The following TBC1D1 variants were observed in gnomAD, a reference collection of about 807,000 sequenced individuals.
TBC1D1 encodes the protein TBC1 (tre-2/USP6, BUB2, cdc16) domain family, member 1.
In TBC1D1, 89 loss-of-function variants were observed where a neutral mutation model predicts 125.6. The observed-to-expected ratio is 0.71, with a 90% confidence interval of 0.60 to 0.85. The LOEUF is 0.85. TBC1D1 is among the 40% of genes least tolerant of loss of function. TBC1D1 has a pLI of 0.00. For synonymous variants in TBC1D1, 565 were observed against 564.1 expected (o/e 1.00, Z -0.02); for missense variants, 1,377 against 1,469.2 (o/e 0.94, Z 1.03).
rs149237489 is a variant in TBC1D1, at chr4:37,951,672, A to C, written c.417+49160A>C. Reference sequence around the variant, plus strand: ...AGAGGAGAGGCGGTGACACTCAGCCAAGTTAGGGAAGTGGACTTTCGATAT... The same window carrying C: ...AGAGGAGAGGCGGTGACACTCAGCCCAGTTAGGGAAGTGGACTTTCGATAT... On this transcript the variant is annotated intron_variant, in intron 2 of 19. Transcript: ENST00000261439. Among the ~76,000 whole-genome samples the C allele has an allele frequency of 2.7e-3, 412 of 152,340 alleles. 1 individual carries two copies. The highest frequency in any genetic ancestry group is 8.9e-3 in the African/African-American group (371 of 41,574).
intron 2 of TBC1D1, among the ~76,000 whole-genome samples, chr4:37,974,774 G>A (rs1287614216): frequency 6.6e-6 from 1 of 151,902 alleles, no homozygotes; most frequent in Non-Finnish European, 1.5e-5. Flanking sequence ...GGCCAGGGTG[G>A]TCTTGAACTC....
intron 2 of TBC1D1, among the ~76,000 whole-genome samples, chr4:37,919,519 A>G (rs1044344158): frequency 2.6e-5 from 4 of 151,970 alleles, no homozygotes; most frequent in Admixed American, 1.3e-4. Context: ...CACAGTTTCT[A>G]TGCAGTTAAC....
At chr4:38,032,106 G>A (rs561460671) in intron 7 of TBC1D1, among the ~76,000 whole-genome samples, 14 of 152,260 alleles carry the variant, frequency 9.2e-5, no homozygotes, top group Admixed American at 9.2e-4. Flanking sequence ...ATCACCCGAG[G>A]TCAGGAGTTC....
chr4:38,075,745 C>T (rs1472271057), intron 12 of TBC1D1, among the ~76,000 whole-genome samples: 1 of 152,038 alleles, frequency 6.6e-6, no homozygotes, highest in Non-Finnish European at 1.5e-5. Context: ...AAGTTTATAA[C>T]TGGAGCCTAT....
intron 12 of TBC1D1, among the ~76,000 whole-genome samples, chr4:38,064,350 G>A (rs950495231): frequency 7.9e-5 from 12 of 152,126 alleles, no homozygotes; most frequent in African/African-American, 2.9e-4. Flanking sequence ...TCCTCCTCCA[G>A]GGGGGCCTTA....
At chr4:38,081,950 C>G (rs1756638276) in intron 12 of TBC1D1, among the ~76,000 whole-genome samples, 1 of 152,140 alleles carries the variant, frequency 6.6e-6, no homozygotes, top group Non-Finnish European at 1.5e-5. Context: ...GCTCTGTGTC[C>G]CATGTCTTGC....
chr4:37,971,465 G>A (rs1732006362), intron 2 of TBC1D1, among the ~76,000 whole-genome samples: 1 of 152,120 alleles, frequency 6.6e-6, no homozygotes. Context: ...CAGATCTCAT[G>A]AGACTCATTC....
chr4:37,914,907 G>T (rs1719386626), intron 2 of TBC1D1, among the ~76,000 whole-genome samples: 1 of 152,184 alleles, frequency 6.6e-6, no homozygotes, highest in Non-Finnish European at 1.5e-5. Flanking sequence ...CTCAAAAGTA[G>T]CCCCACACTA....
chr4:37,991,625 TTCTC>T (rs903787090), intron 2 of TBC1D1, among the ~76,000 whole-genome samples: 3 of 106,452 alleles, frequency 2.8e-5, no homozygotes, highest in African/African-American at 8.8e-5. Flanking sequence ...CTGGCAGCTC[TTCTC>T]TCTCTTTTTT....
rs369663560 is a variant in TBC1D1, at chr4:38,054,697, T to C, written c.2050+359T>C. ...AAGTTTTAGAGCAGCAGTGAAAGTT[T>C]ATTAAAAACTTCAGAGCAGGAATGA... is the stretch of plus-strand genomic sequence containing the variant. On this transcript the variant is annotated intron_variant, in intron 12 of 19. Coordinates refer to ENST00000261439, the MANE Select transcript of TBC1D1 (RefSeq NM_015173.4). 6.5e-4 allele frequency among the ~76,000 whole-genome samples: 99 copies of C among 152,248 alleles called. 4 individuals carry two copies. In the South Asian group the frequency reaches 0.02, roughly 31 times the overall value.
At chr4:38,040,821 C>T (rs1488940923) in intron 8 of TBC1D1, among the ~76,000 whole-genome samples, 1 of 152,176 alleles carries the variant, frequency 6.6e-6, no homozygotes, top group African/African-American at 2.4e-5. Flanking sequence ...AGATTCTGTG[C>T]ACCTCCCTGT....
chr4:38,050,682 C>T (rs1050582271), intron 11 of TBC1D1, among the ~76,000 whole-genome samples: 3 of 152,232 alleles, frequency 2.0e-5, no homozygotes, highest in Non-Finnish European at 4.4e-5. Context: ...TGTGTACAGT[C>T]GCTGCCTTCT....
chr4:37,911,131 C>CTTTTTT (rs71658745), intron 2 of TBC1D1, among the ~76,000 whole-genome samples: 3 of 94,918 alleles, frequency 3.2e-5, no homozygotes, highest in South Asian at 4.0e-4. Context: ...TCCCCTCCTC[C>CTTTTTT]TTTTTTTTTT....
chr4:38,094,643 C>A (rs1759013752), intron 13 of TBC1D1, among the ~76,000 whole-genome samples: 1 of 152,176 alleles, frequency 6.6e-6, no homozygotes, highest in South Asian at 2.1e-4. Flanking sequence ...CCAGTTCTTT[C>A]TGGCTGTGTG....
At chr4:38,043,345 C>T (rs1275636841) in intron 8 of TBC1D1, among the ~76,000 whole-genome samples, 4 of 151,892 alleles carry the variant, frequency 2.6e-5, no homozygotes, top group Non-Finnish European at 5.9e-5. Context: ...CTCCTGTAAT[C>T]CCAGCACTTT....
At chr4:38,044,766 G>C (rs1023639494) in intron 9 of TBC1D1, among the ~76,000 whole-genome samples, 2 of 152,098 alleles carry the variant, frequency 1.3e-5, no homozygotes, top group African/African-American at 2.4e-5. Flanking sequence ...CCTATAAAGA[G>C]CATGCATTAG....
At chr4:38,064,378 G>A (rs569129707) in intron 12 of TBC1D1, among the ~76,000 whole-genome samples, 2 of 152,290 alleles carry the variant, frequency 1.3e-5, no homozygotes, top group East Asian at 1.9e-4. Flanking sequence ...TTCTACCCAC[G>A]GGGATGGTTA....
intron 2 of TBC1D1, among the ~76,000 whole-genome samples, chr4:37,997,485 A>G (rs1201922608): frequency 2.0e-5 from 3 of 152,134 alleles, no homozygotes; most frequent in Non-Finnish European, 4.4e-5. Context: ...CTTCTTTCCA[A>G]ATGATTTTGC....
At chr4:38,032,129 G>C (rs1746277315) in intron 7 of TBC1D1, among the ~76,000 whole-genome samples, 2 of 152,176 alleles carry the variant, frequency 1.3e-5, no homozygotes, top group South Asian at 4.1e-4. Flanking sequence ...GACTAGCCTG[G>C]CCAACATGGC....
Sources: allele counts gnomAD v4.1 joint callset (sites outside exome capture counted in the v4.1 genomes callset), GRCh38; gene constraint gnomAD v4.1.1; transcripts MANE v1.5; gene names NCBI Gene and HGNC (gene_info 2026-07-23, HGNC 2026-07-21).